CEP128: variants seen among roughly 807,000 people sequenced by gnomAD.
CEP128 encodes the protein centrosomal protein 128kDa.
CEP128 carries 132 observed loss-of-function variants against 156.7 expected under a neutral mutation model. The observed-to-expected ratio is 0.84, with a 90% CI of 0.73 to 0.97. CEP128 has a LOEUF of 0.97. Ranked by LOEUF, CEP128 falls within the 50% of genes least tolerant of loss-of-function variation. The pLI, the probability that CEP128 is intolerant of heterozygous loss-of-function variation, is 0.00. For missense variants in CEP128, 1,252 were observed against 1,281.9 expected (o/e 0.98, Z 0.36); for synonymous variants, 469 against 448.9 (o/e 1.04, Z -0.57).
At chr14:80,853,159 C>T (rs1040242385) in intron 9 of CEP128, among the ~76,000 whole-genome samples, 1 of 151,476 alleles carries the variant, frequency 6.6e-6, no homozygotes, top group African/African-American at 2.4e-5. Context: ...GTTCTTAATG[C>T]GACAAAGGTT....
chr14:80,625,456 T>C (rs916321086), intron 19 of CEP128, among the ~76,000 whole-genome samples: 3 of 152,192 alleles, frequency 2.0e-5, no homozygotes, highest in Non-Finnish European at 2.9e-5. Context: ...CATGCCTCTA[T>C]ATGAATTTCA....
At chr14:80,499,919 T>G (rs1220523522) in intron 24 of CEP128, among the ~76,000 whole-genome samples, 1 of 152,196 alleles carries the variant, frequency 6.6e-6, no homozygotes. Flanking sequence ...GGAATCCAAG[T>G]CTTCTAAAAG....
At chr14:80,714,165 T>C (rs1472513874) in intron 19 of CEP128, among the ~76,000 whole-genome samples, 3 of 152,206 alleles carry the variant, frequency 2.0e-5, no homozygotes, top group Non-Finnish European at 4.4e-5. Context: ...AGACATCTAA[T>C]TGTATGATAT....
At chr14:80,754,482 G>C (rs959530832) in intron 18 of CEP128, among the ~76,000 whole-genome samples, 1 of 45,930 alleles carries the variant, frequency 2.2e-5, no homozygotes, top group Non-Finnish European at 4.7e-5. Flanking sequence ...TTTTTTTTTT[G>C]AGATGGAGTC....
chr14:80,827,852 A>G (rs954305728), intron 13 of CEP128, among the ~76,000 whole-genome samples: 4 of 152,158 alleles, frequency 2.6e-5, no homozygotes, highest in African/African-American at 4.8e-5. Context: ...ACTCTTTTGT[A>G]TATTAGGTTG....
chr14:80,617,185 TTGGGGCAAA>T (rs1893248799), intron 19 of CEP128, among the ~76,000 whole-genome samples: 1 of 145,066 alleles, frequency 6.9e-6, no homozygotes, highest in African/African-American at 2.5e-5. Flanking sequence ...CTCTGATCCA[TTGGGGCAAA>T]TCACTTAACC....
intron 14 of CEP128, among the ~76,000 whole-genome samples, chr14:80,483,454 T>G (rs758615921): frequency 6.6e-6 from 1 of 152,236 alleles, no homozygotes; most frequent in Non-Finnish European, 1.5e-5. Flanking sequence ...ATCTGATTGG[T>G]GTGGTTTTCA....
intron 8 of CEP128, among the ~76,000 whole-genome samples, chr14:80,867,037 T>A (rs1831666240): frequency 6.6e-6 from 1 of 152,230 alleles, no homozygotes; most frequent in Non-Finnish European, 1.5e-5. Context: ...ATTTTTTTTC[T>A]TTCCTTACTA....
intron 13 of CEP128, among the ~76,000 whole-genome samples, chr14:80,804,627 T>C (rs1266169172): frequency 6.6e-6 from 1 of 151,936 alleles, no homozygotes; most frequent in Non-Finnish European, 1.5e-5. Context: ...GTGAGAAAAA[T>C]AGCTGACTCA....
intron 18 of CEP128, among the ~76,000 whole-genome samples, chr14:80,753,944 T>C (rs1291159659): frequency 6.6e-6 from 1 of 152,230 alleles, no homozygotes; most frequent in Non-Finnish European, 1.5e-5. Flanking sequence ...ACAATTTTCT[T>C]AATTCAGACT....
intron 19 of CEP128, among the ~76,000 whole-genome samples, chr14:80,658,901 G>A (rs1008725698): frequency 7.2e-5 from 11 of 152,182 alleles, no homozygotes; most frequent in African/African-American, 2.4e-4. Flanking sequence ...GTTACATAAT[G>A]AGACTGCTGA....
intron 9 of CEP128, among the ~76,000 whole-genome samples, chr14:80,860,274 T>C (rs749482246): frequency 2.6e-5 from 4 of 152,192 alleles, no homozygotes; most frequent in Non-Finnish European, 4.4e-5. Flanking sequence ...AACGTATAGG[T>C]CACTGCTTAT....
rs945816133 is a variant in CEP128 at position 80,838,253 on chromosome 14, C to T, written c.875G>A (p.Arg292Gln). 1.3e-5 allele frequency: 21 copies of T among 1,613,204 alleles called. No homozygotes were observed. The South Asian group carries it at 1.6e-4, about 13-fold the overall frequency. The change falls in exon 11 of 25, where the codon CGA (arginine) becomes CAA (glutamine). Residue 292 changes from arginine (R) to glutamine (Q), a missense_variant. Physicochemically the swap from Arg to Gln is conservative, Grantham distance 43. Coordinates refer to ENST00000555265, the MANE Select transcript of CEP128 (RefSeq NM_152446.5). The stretch of plus-strand genomic sequence containing the variant: ...GCCTTCTGATTGATTCAATAACCTT[C>T]GAGATAGCTCCAATTCCTGTTCAAG... Reference protein sequence around the residue: ...NQLEQELELSRRLLNQSEGSR... With the variant: ...NQLEQELELSQRLLNQSEGSR...
At position 80,785,507 on chromosome 14, in the gene CEP128, A is replaced by G. The variant is rs1901359408; in HGVS notation, c.1599T>C (p.Tyr533=). 6.2e-7 allele frequency: 1 copy of G among 1,613,120 alleles called. No individual in the cohort carries two copies. Among genetic ancestry groups the G allele is most frequent in the South Asian group, 1.1e-5 (1 of 90,904 alleles). Reference sequence around the variant, plus strand: ...GATTCTCTATTTGTTGTAATGCTGCATACAGCTGGGTTTTCAATTCATCCT... The same window carrying G: ...GATTCTCTATTTGTTGTAATGCTGCGTACAGCTGGGTTTTCAATTCATCCT... ...KEKDELKTQL[Y]AALQQIENLR... The change falls in exon 15 of 25, where the codon TAT becomes TAC. Residue 533 remains tyrosine (Y), a synonymous_variant. Coordinates refer to ENST00000555265, the MANE Select transcript of CEP128 (RefSeq NM_152446.5).
Position 80,884,589 on chromosome 14 carries a change from G to A in CEP128, c.645+11129C>T, listed in dbSNP as rs1017029337. Among the ~76,000 whole-genome samples, 6 of 152,142 alleles carry A rather than the reference G, an allele frequency of 3.9e-5. 1 individual carries two copies. In the South Asian group the frequency reaches 6.2e-4, roughly 16 times the overall value. On this transcript the variant is annotated intron_variant, in intron 8 of 24. Coordinates refer to ENST00000555265, the MANE Select transcript of CEP128 (RefSeq NM_152446.5). Reference sequence around the variant, plus strand: ...CTCCCTCCCCTAGCCAAGGGAAGCCGTGAGGGACTGTGCTGTGAGGGACTG... The same window carrying A: ...CTCCCTCCCCTAGCCAAGGGAAGCCATGAGGGACTGTGCTGTGAGGGACTG...
chr14:80,600,901 A>C (rs1450534598), intron 19 of CEP128, among the ~76,000 whole-genome samples: 1 of 149,502 alleles, frequency 6.7e-6, no homozygotes, highest in Non-Finnish European at 1.5e-5. Context: ...CGGAAGAGCA[A>C]AAAAATTGTA....
chr14:80,738,461 C>T (rs1172332655), intron 19 of CEP128, among the ~76,000 whole-genome samples: 1 of 152,004 alleles, frequency 6.6e-6, no homozygotes, highest in East Asian at 1.9e-4. Context: ...TTGACAGATC[C>T]AAAATCTATC....
chr14:80,843,892 A>T (rs1449368013), intron 9 of CEP128, among the ~76,000 whole-genome samples: 2 of 152,018 alleles, frequency 1.3e-5, no homozygotes, highest in Non-Finnish European at 2.9e-5. Flanking sequence ...GGACGCTTAA[A>T]CACAGCTCCA....
At chr14:80,943,636 T>C (rs1886253788), upstream of CEP128, among the ~76,000 whole-genome samples, 1 of 152,172 alleles carries the variant, frequency 6.6e-6, no homozygotes, top group South Asian at 2.1e-4. Context: ...GTTACTAAAT[T>C]CATAGCAGCT....
Sources: gnomAD v4.1 joint callset for allele counts (sites outside exome capture counted in the v4.1 genomes callset) on GRCh38, gnomAD v4.1.1 for gene constraint, MANE v1.5 for transcripts, NCBI Gene and HGNC (gene_info 2026-07-23, HGNC 2026-07-21) for gene names.